MARCHF1: variants seen among roughly 807,000 people sequenced by gnomAD.
MARCHF1 encodes E3 ubiquitin-protein ligase MARCHF1.
In MARCHF1, 40 loss-of-function variants were observed where a neutral mutation model predicts 54.2. The observed-to-expected ratio is 0.74, with a 90% CI of 0.57 to 0.96. The LOEUF (loss-of-function observed/expected upper bound fraction) is 0.96, where lower values mean the gene tolerates loss of function less well. Among genes scored for constraint, MARCHF1 ranks in the 40% least tolerant of loss-of-function variants. The pLI is 0.00. For missense variants in MARCHF1, 586 were observed against 656.5 expected (o/e 0.89, Z 1.17); for synonymous variants, 236 against 236.3 (o/e 1.00, Z 0.01).
chr4:163,581,171 G>C (rs1403905893), intron 8 of MARCHF1, among the ~76,000 whole-genome samples: 4 of 152,214 alleles, frequency 2.6e-5, no homozygotes, highest in Non-Finnish European at 1.5e-5. Flanking sequence ...ACAGTGCAAT[G>C]AGCACATGCT....
intron 9 of MARCHF1, among the ~76,000 whole-genome samples, chr4:163,544,126 A>G (rs1239620655): frequency 6.6e-6 from 1 of 152,228 alleles, no homozygotes; most frequent in African/African-American, 2.4e-5. Context: ...TGTACAGCAC[A>G]CTGTTTGTTA....
chr4:164,034,214 A>G (rs1223778765), intron 2 of MARCHF1, among the ~76,000 whole-genome samples: 1 of 152,148 alleles, frequency 6.6e-6, no homozygotes, highest in Non-Finnish European at 1.5e-5. Context: ...CATCATCCTC[A>G]GCAAACTAAC....
chr4:163,757,043 T>G (rs1296658844), intron 4 of MARCHF1, among the ~76,000 whole-genome samples: 1 of 152,182 alleles, frequency 6.6e-6, no homozygotes, highest in Non-Finnish European at 1.5e-5. Context: ...AGAATCACAC[T>G]AAAAATGAAA....
intron 3 of MARCHF1, among the ~76,000 whole-genome samples, chr4:163,892,546 A>T (rs1205824396): frequency 6.6e-6 from 1 of 151,900 alleles, no homozygotes; most frequent in Non-Finnish European, 1.5e-5. Context: ...ATATGTAACT[A>T]ACCTGCACAA....
Position 163,867,997 on chromosome 4 carries a change from A to G in MARCHF1, c.-38-13828T>C, listed in dbSNP as rs181752151. 6.6e-5 allele frequency among the ~76,000 whole-genome samples: 10 copies of G among 151,762 alleles called. No homozygotes were observed. The East Asian group carries it at 1.7e-3, about 26-fold the overall frequency. Reference sequence around the variant, plus strand: ...GCCTGGTTACTTACCTGTTTCCCCAATTATCTGAACTTGGTAGTTTGTTTA... The same window carrying G: ...GCCTGGTTACTTACCTGTTTCCCCAGTTATCTGAACTTGGTAGTTTGTTTA... On this transcript the variant is annotated intron_variant, in intron 3 of 9. Transcript: ENST00000514618.
intron 8 of MARCHF1, among the ~76,000 whole-genome samples, chr4:163,567,503 C>T (rs781761678): frequency 1.3e-5 from 2 of 152,176 alleles, no homozygotes; most frequent in Non-Finnish European, 2.9e-5. Context: ...TTGTAGCTCC[C>T]ATAATTCCCA....
chr4:163,987,500 A>C (rs1752892689), intron 3 of MARCHF1, among the ~76,000 whole-genome samples: 2 of 151,784 alleles, frequency 1.3e-5, no homozygotes, highest in African/African-American at 4.8e-5. Context: ...CTACACTCCC[A>C]TTTCCTTTAT....
At chr4:163,989,186 G>A (rs564660358) in intron 2 of MARCHF1, among the ~76,000 whole-genome samples, 5 of 152,258 alleles carry the variant, frequency 3.3e-5, no homozygotes, top group African/African-American at 4.8e-5. Context: ...CTTGAGAAGC[G>A]CGGCTAGCTG....
In MARCHF1 at chr4:163,586,131, C is replaced by T. The variant is rs567872995; in HGVS notation, c.1011-202G>A. Among the ~76,000 whole-genome samples, 16 of 152,310 alleles carry T rather than the reference C, an allele frequency of 1.1e-4. No homozygotes were observed. The South Asian group carries it at 3.3e-3, about 32-fold the overall frequency. ...CATTCCTAACCTGAAAATCCTAAAT[C>T]TGAAATGCTCCAAAATCCAAAACTT... On this transcript the variant is annotated intron_variant, in intron 7 of 9. Transcript: ENST00000514618.
At chr4:163,972,979 TAATC>T (rs1752579676) in intron 3 of MARCHF1, among the ~76,000 whole-genome samples, 1 of 152,228 alleles carries the variant, frequency 6.6e-6, no homozygotes, top group South Asian at 2.1e-4. Flanking sequence ...GCACTGAAAT[TAATC>T]AGTCTAGCAA....
At chr4:164,257,335 T>C (rs1292779238) in intron 1 of MARCHF1, among the ~76,000 whole-genome samples, 3 of 152,056 alleles carry the variant, frequency 2.0e-5, no homozygotes, top group Non-Finnish European at 4.4e-5. Context: ...CTTGTTTCTC[T>C]TATGAATACA....
At chr4:164,151,608 C>G (rs4428243) in intron 1 of MARCHF1, among the ~76,000 whole-genome samples, 26,804 of 152,064 alleles carry the variant, frequency 0.18, 3,624 homozygotes, top group African/African-American at 0.37. Context: ...ACTCTGAAAA[C>G]AGCTCCATCA....
Position 163,743,723 on chromosome 4 carries a change from C to T in MARCHF1, c.112-42860G>A, listed in dbSNP as rs1038110859. On this transcript the variant is annotated intron_variant, in intron 4 of 9. Transcript: ENST00000514618. Reference sequence around the variant, plus strand: ...CCTCCAGAGTAGCTGGGACTACAGGCGCCCGCCACCATGCCTGGCCAATTT... The same window carrying T: ...CCTCCAGAGTAGCTGGGACTACAGGTGCCCGCCACCATGCCTGGCCAATTT... 7.2e-5 allele frequency among the ~76,000 whole-genome samples: 11 copies of T among 151,942 alleles called. 1 individual carries two copies. Among genetic ancestry groups the T allele is most frequent in the Non-Finnish European group, 1.3e-4 (9 of 67,974 alleles).
At chr4:163,885,181 C>T (rs1417624065) in intron 3 of MARCHF1, among the ~76,000 whole-genome samples, 1 of 152,100 alleles carries the variant, frequency 6.6e-6, no homozygotes, top group East Asian at 1.9e-4. Context: ...CCATACACAC[C>T]ATGGGAGGTT....
chr4:163,823,250 C>T (rs1468893159), intron 4 of MARCHF1, among the ~76,000 whole-genome samples: 1 of 151,560 alleles, frequency 6.6e-6, no homozygotes, highest in Non-Finnish European at 1.5e-5. Flanking sequence ...GTATGGACTA[C>T]CTCACAGCTA....
chr4:164,167,486 A>G (rs1730411849), intron 1 of MARCHF1, among the ~76,000 whole-genome samples: 1 of 151,888 alleles, frequency 6.6e-6, no homozygotes, highest in Non-Finnish European at 1.5e-5. Flanking sequence ...AATACTGAGA[A>G]AGAAAAGCAA....
chr4:164,255,183 G>A (rs1221801495), intron 1 of MARCHF1, among the ~76,000 whole-genome samples: 1 of 152,064 alleles, frequency 6.6e-6, no homozygotes, highest in South Asian at 2.1e-4. Flanking sequence ...TGTAAATGTT[G>A]CCATCAGGGA....
chr4:164,303,968 G>C (rs185442523), intron 1 of MARCHF1, among the ~76,000 whole-genome samples: 1 of 152,244 alleles, frequency 6.6e-6, no homozygotes, highest in East Asian at 1.9e-4. Flanking sequence ...CCTATTTACC[G>C]CATGCATTTA....
intron 3 of MARCHF1, among the ~76,000 whole-genome samples, chr4:163,966,224 G>A (rs1752440918): frequency 6.6e-6 from 1 of 151,704 alleles, no homozygotes; most frequent in Admixed American, 6.6e-5. Flanking sequence ...ATAATCTGTT[G>A]TCTTTATAAA....
Sources: allele counts gnomAD v4.1 joint callset (sites outside exome capture counted in the v4.1 genomes callset), GRCh38; gene constraint gnomAD v4.1.1; transcripts MANE v1.5; gene names NCBI Gene and HGNC (gene_info 2026-07-23, HGNC 2026-07-21).